Variants in SDK1 observed in about 807,000 individuals in gnomAD.
SDK1 encodes protein sidekick-1.
In SDK1, 157 loss-of-function variants were observed where a neutral mutation model predicts 245.5. The observed-to-expected ratio is 0.64, with a 90% CI of 0.56 to 0.73. SDK1 has a LOEUF of 0.73. Ranked by LOEUF, SDK1 falls within the 30% of genes least tolerant of loss-of-function variation. The probability of loss-of-function intolerance (pLI) is 0.00; values close to 1 mark genes in which losing one functional copy is unlikely to be tolerated. For synonymous variants in SDK1, 1,647 were observed against 1,278.5 expected (o/e 1.29, Z -6.15); for missense variants, 3,583 against 3,002.3 (o/e 1.19, Z -4.52).
chr7:4,021,449 C>A (rs1786887334), intron 17 of SDK1, among the ~76,000 whole-genome samples: 1 of 152,144 alleles, frequency 6.6e-6, no homozygotes, highest in Admixed American at 6.5e-5. Context: ...GTGACAGGAG[C>A]TTAAACAAGA....
intron 28 of SDK1, among the ~76,000 whole-genome samples, chr7:4,145,501 G>A (rs1779901338): frequency 6.6e-6 from 1 of 152,144 alleles, no homozygotes; most frequent in African/African-American, 2.4e-5. Flanking sequence ...CCTTGTTCTG[G>A]TGAAGGATGG....
intron 1 of SDK1, among the ~76,000 whole-genome samples, chr7:3,321,355 G>C (rs1267631994): frequency 6.6e-6 from 1 of 152,128 alleles, no homozygotes; most frequent in Admixed American, 6.5e-5. Flanking sequence ...TAATGACAGA[G>C]TCCCAGGTGG....
chr7:3,614,540 G>T (rs1472891087), intron 1 of SDK1, among the ~76,000 whole-genome samples: 7 of 152,180 alleles, frequency 4.6e-5, no homozygotes, highest in Non-Finnish European at 7.3e-5. Context: ...CCCATTTAAA[G>T]TATGTAAAGA....
At chr7:3,305,598 A>T (rs1426636701) in intron 1 of SDK1, among the ~76,000 whole-genome samples, 3 of 152,108 alleles carry the variant, frequency 2.0e-5, no homozygotes, top group Non-Finnish European at 2.9e-5. Context: ...CTCCCTTTAC[A>T]ACTTTGTAAT....
At chr7:3,705,080 G>A (rs1176396740) in intron 4 of SDK1, among the ~76,000 whole-genome samples, 1 of 152,084 alleles carries the variant, frequency 6.6e-6, no homozygotes, top group Non-Finnish European at 1.5e-5. Context: ...ATGCTGTTTT[G>A]GTAACTGTAG....
chr7:3,857,932 C>T (rs962504553), intron 5 of SDK1, among the ~76,000 whole-genome samples: 10 of 152,114 alleles, frequency 6.6e-5, no homozygotes, highest in Admixed American at 2.6e-4. Flanking sequence ...ACTTTAATGA[C>T]GATTTTTAAA....
intron 4 of SDK1, among the ~76,000 whole-genome samples, chr7:3,784,912 C>T (rs1379151377): frequency 1.3e-5 from 2 of 152,222 alleles, no homozygotes; most frequent in African/African-American, 2.4e-5. Context: ...CCAATGTTTA[C>T]TGCAGCATTA....
chr7:3,827,859 C>T (rs1779815152), intron 5 of SDK1, among the ~76,000 whole-genome samples: 1 of 152,134 alleles, frequency 6.6e-6, no homozygotes, highest in South Asian at 2.1e-4. Flanking sequence ...GAAGAATAGC[C>T]TGGGAGGGCC....
At chr7:4,246,757 G>A (rs902184065) in intron 44 of SDK1, among the ~76,000 whole-genome samples, 4 of 152,138 alleles carry the variant, frequency 2.6e-5, no homozygotes, top group African/African-American at 7.2e-5. Context: ...TGGCTTCCCC[G>A]AGGGAGTGTC....
intron 4 of SDK1, among the ~76,000 whole-genome samples, chr7:3,712,976 CA>C (rs1418928560): frequency 1.3e-5 from 2 of 152,216 alleles, no homozygotes; most frequent in African/African-American, 4.8e-5. Context: ...GCCTGACACC[CA>C]GGAATGCTGA....
At chr7:3,496,802 A>C (rs1205113046) in intron 1 of SDK1, among the ~76,000 whole-genome samples, 3 of 152,206 alleles carry the variant, frequency 2.0e-5, no homozygotes, top group Non-Finnish European at 2.9e-5. Flanking sequence ...GAGGTACACA[A>C]ATTCAAGGTA....
chr7:3,561,166 A>T (rs1243688567), intron 1 of SDK1, among the ~76,000 whole-genome samples: 1 of 152,152 alleles, frequency 6.6e-6, no homozygotes, highest in East Asian at 1.9e-4. Flanking sequence ...ACCTGCCAGG[A>T]AATCTTTGCT....
intron 44 of SDK1, among the ~76,000 whole-genome samples, chr7:4,263,295 C>T (rs534416704): frequency 6.6e-6 from 1 of 150,440 alleles, no homozygotes; most frequent in South Asian, 2.1e-4. Context: ...TCTTCCCCAC[C>T]CCTGGGGCTC....
chr7:4,042,820 A>G (rs943569575), intron 17 of SDK1, among the ~76,000 whole-genome samples: 3 of 152,198 alleles, frequency 2.0e-5, no homozygotes, highest in African/African-American at 4.8e-5. Flanking sequence ...TATTTTCAAC[A>G]CTGTCAAGAA....
rs569930966 is a variant in SDK1, at chr7:3,370,547, A to G, written c.298+68663A>G. ...AGACTGTTATGTTTGACATTTCTGGAGTAACGTGGTGGTGGACTACTTGGG... is the reference window on the plus strand; with the variant it reads ...AGACTGTTATGTTTGACATTTCTGGGGTAACGTGGTGGTGGACTACTTGGG... On this transcript the variant is annotated intron_variant, in intron 1 of 44. Coordinates refer to ENST00000404826, the MANE Select transcript of SDK1 (RefSeq NM_152744.4). 2.0e-5 allele frequency among the ~76,000 whole-genome samples: 3 copies of G among 152,324 alleles called. No individual in the cohort carries two copies. The East Asian group carries it at 5.8e-4, about 29-fold the overall frequency.
intron 28 of SDK1, among the ~76,000 whole-genome samples, chr7:4,138,167 G>A (rs190941972): frequency 2.0e-4 from 31 of 152,294 alleles, no homozygotes; most frequent in African/African-American, 7.2e-4. Flanking sequence ...TCTGCAATTA[G>A]CAGGGATGCC....
chr7:3,941,828 G>T (rs1178068535), intron 5 of SDK1, among the ~76,000 whole-genome samples: 1 of 151,564 alleles, frequency 6.6e-6, no homozygotes, highest in African/African-American at 2.4e-5. Context: ...AGAGGCAGTT[G>T]TTACAGTTGC....
In SDK1 at chr7:4,051,726, C is replaced by T. The variant is rs777140029; in HGVS notation, c.2807C>T (p.Thr936Met). 3.8e-5 allele frequency: 62 copies of T among 1,613,824 alleles called. No individual in the cohort carries two copies. Among genetic ancestry groups the T allele is most frequent in the African/African-American group, 6.7e-5 (5 of 74,904 alleles). Residue 936 changes from threonine to methionine, a missense_variant, in exon 19 of 45, where the codon ACG becomes ATG. Transcript: ENST00000404826. Reference sequence around the variant, plus strand: ...CACGGAGTCCACCATGGACACATAACGAACCTGAAGAAGTTTACCGCCTAC... The same window carrying T: ...CACGGAGTCCACCATGGACACATAATGAACCTGAAGAAGTTTACCGCCTAC... ...DFHGVHHGHI[T>M]NLKKFTAYFT... is the part of the protein sequence containing the mutation.
chr7:3,734,854 T>A (rs965885188), intron 4 of SDK1, among the ~76,000 whole-genome samples: 4 of 152,198 alleles, frequency 2.6e-5, no homozygotes, highest in South Asian at 2.1e-4. Flanking sequence ...ATTTTTTTCA[T>A]CTCAAGTAGT....
Sources: allele counts gnomAD v4.1 joint callset (sites outside exome capture counted in the v4.1 genomes callset), GRCh38; gene constraint gnomAD v4.1.1; transcripts MANE v1.5; gene names NCBI Gene and HGNC (gene_info 2026-07-23, HGNC 2026-07-21).